The following SLC25A21 variants were observed in gnomAD, a reference collection of about 807,000 sequenced individuals.
SLC25A21 encodes mitochondrial 2-oxodicarboxylate carrier.
SLC25A21 carries 47 observed loss-of-function variants against 43.8 expected under a neutral mutation model. That is an observed-to-expected ratio of 1.07 (90% CI 0.85 to 1.37). SLC25A21 has a LOEUF of 1.37. Ranked by LOEUF, SLC25A21 falls within the 40% of genes most tolerant of loss-of-function variation. SLC25A21 has a pLI of 0.00. For synonymous variants in SLC25A21, 131 were observed against 121.3 expected, an observed-to-expected ratio of 1.08 and a Z score of -0.52; for missense variants, 352 against 350.2, an observed-to-expected ratio of 1.00 and a Z score of -0.04.
At chr14:36,770,334 T>C (rs190543020) in intron 3 of SLC25A21, among the ~76,000 whole-genome samples, 1 of 152,180 alleles carries the variant, frequency 6.6e-6, no homozygotes, top group East Asian at 1.9e-4. Context: ...CTCATGGACA[T>C]AAAGATGGCA....
intron 1 of SLC25A21, among the ~76,000 whole-genome samples, chr14:37,014,985 G>C (rs927606291): frequency 9.9e-5 from 15 of 152,094 alleles, no homozygotes; most frequent in African/African-American, 3.1e-4. Flanking sequence ...CAGATGTACT[G>C]TCATCCAGGC....
intron 3 of SLC25A21, among the ~76,000 whole-genome samples, chr14:36,764,083 G>GAAA (rs1213150423): frequency 0.045 from 880 of 19,576 alleles, 52 homozygotes; most frequent in Middle Eastern, 0.12. Context: ...AAAGAAAGAA[G>GAAA]GAAGGAAGGA....
intron 6 of SLC25A21, among the ~76,000 whole-genome samples, chr14:36,724,022 C>T (rs1411869206): frequency 6.6e-6 from 1 of 152,152 alleles, no homozygotes; most frequent in Non-Finnish European, 1.5e-5. Context: ...AAGCAGATTC[C>T]ATGGGAACTG....
intron 2 of SLC25A21, among the ~76,000 whole-genome samples, chr14:36,817,172 C>T (rs1888485282): frequency 6.6e-6 from 1 of 151,586 alleles, no homozygotes. Context: ...TACAAAAACC[C>T]AGGGTATTAC....
intron 1 of SLC25A21, among the ~76,000 whole-genome samples, chr14:36,946,968 A>G (rs1892693310): frequency 6.6e-6 from 1 of 152,182 alleles, no homozygotes. Context: ...CTTTAGTAAT[A>G]ATTGCTTTTA....
At chr14:36,956,946 C>T (rs963645886) in intron 1 of SLC25A21, among the ~76,000 whole-genome samples, 1 of 152,176 alleles carries the variant, frequency 6.6e-6, no homozygotes, top group Non-Finnish European at 1.5e-5. Context: ...TCAAATTCAT[C>T]TATCTATATG....
chr14:36,791,666 G>C (rs2138401334), intron 3 of SLC25A21, among the ~76,000 whole-genome samples: 1 of 152,258 alleles, frequency 6.6e-6, no homozygotes, highest in South Asian at 2.1e-4. Context: ...TACAATGAAA[G>C]TTTTATTTTA....
intron 7 of SLC25A21, among the ~76,000 whole-genome samples, chr14:36,692,769 G>A (rs113893545): frequency 6.6e-6 from 1 of 152,158 alleles, no homozygotes; most frequent in Admixed American, 6.5e-5. Flanking sequence ...GTTGAGTAGA[G>A]GACAGCAATA....
chr14:37,159,805 T>C (rs1844107990), intron 1 of SLC25A21, among the ~76,000 whole-genome samples: 1 of 151,844 alleles, frequency 6.6e-6, no homozygotes, highest in Admixed American at 6.6e-5. Context: ...TGAGAGAAAA[T>C]ATTTGCAAAC....
rs144116508 is a variant in SLC25A21 at position 37,169,503 on chromosome 14, A to G, written c.70+2778T>C. The stretch of plus-strand genomic sequence containing the variant: ...CACGAGATACCCTGGTATCTCTCCA[A>G]TAAACCTCCCAGTTTCTTTTCTTTT... On this transcript the variant is annotated intron_variant, in intron 1 of 9. Transcript: ENST00000331299. Among the ~76,000 whole-genome samples the G allele has an allele frequency of 4.0e-3, 613 of 151,820 alleles. 6 individuals carry two copies. Among genetic ancestry groups the G allele is most frequent in the Non-Finnish European group, 6.1e-3 (414 of 67,930 alleles).
chr14:37,077,470 A>G (rs1003160643), intron 1 of SLC25A21, among the ~76,000 whole-genome samples: 2 of 152,172 alleles, frequency 1.3e-5, no homozygotes, highest in African/African-American at 4.8e-5. Context: ...CTATGACTAC[A>G]TGAAAATCCG....
At chr14:37,115,337 T>G (rs1391088567) in intron 1 of SLC25A21, among the ~76,000 whole-genome samples, 1 of 152,174 alleles carries the variant, frequency 6.6e-6, no homozygotes, top group South Asian at 2.1e-4. Context: ...TCTGCATCAC[T>G]AGTTTGCAGA....
At chr14:37,112,923 T>C (rs1963044431) in intron 1 of SLC25A21, among the ~76,000 whole-genome samples, 1 of 152,124 alleles carries the variant, frequency 6.6e-6, no homozygotes, top group African/African-American at 2.4e-5. Flanking sequence ...CTAATTAACA[T>C]AAGCTTTTTC....
chr14:36,679,749 A>G lies in SLC25A21; in HGVS notation c.*909T>C. ...CTTCCTAAAAATGGCACAGGTAGGC[A>G]TGCTGAATAAAGGTATTTGGATGCA... On this transcript the variant is annotated 3_prime_UTR_variant, in exon 10 of 10. Coordinates refer to ENST00000331299, the MANE Select transcript of SLC25A21 (RefSeq NM_030631.4). 1 of 985,458 alleles carries G rather than the reference A, an allele frequency of 1.0e-6. No individual in the cohort carries two copies. Among genetic ancestry groups the G allele is most frequent in the Non-Finnish European group, 1.2e-6 (1 of 829,912 alleles). 61.0% of individuals were successfully genotyped at this position (985,458 alleles called of 1,614,324 possible). A position where few individuals can be genotyped will look rare whatever the true frequency, so the allele number is the denominator to read the frequency against.
chr14:37,116,649 ATGT>A (rs1963112697), intron 1 of SLC25A21, among the ~76,000 whole-genome samples: 2 of 152,158 alleles, frequency 1.3e-5, no homozygotes, highest in African/African-American at 4.8e-5. Flanking sequence ...TGAAATGAAG[ATGT>A]TGTTGTTGGG....
At chr14:36,853,612 C>T (rs1448996443) in intron 2 of SLC25A21, among the ~76,000 whole-genome samples, 1 of 152,140 alleles carries the variant, frequency 6.6e-6, no homozygotes, top group African/African-American at 2.4e-5. Context: ...TCTCCTCAGC[C>T]CATTTGGACA....
chr14:37,029,350 T>C (rs1473303088), intron 1 of SLC25A21, among the ~76,000 whole-genome samples: 3 of 152,226 alleles, frequency 2.0e-5, no homozygotes, highest in Admixed American at 2.0e-4. Flanking sequence ...GGAATGGTCC[T>C]ACCCCTTTGC....
chr14:36,820,548 G>A (rs1181988511), intron 2 of SLC25A21, among the ~76,000 whole-genome samples: 1 of 152,162 alleles, frequency 6.6e-6, no homozygotes, highest in Non-Finnish European at 1.5e-5. Context: ...TATAATTCCA[G>A]TGCTGCCACT....
chr14:36,986,768 T>C lies in SLC25A21; in HGVS notation c.71-111764A>G, dbSNP rs77644051. Among the ~76,000 whole-genome samples the C allele has an allele frequency of 2.6e-4, 39 of 152,284 alleles. No individual in the cohort carries two copies. The East Asian group carries it at 7.5e-3, about 29-fold the overall frequency. ...ATTTTTTTTATGTTTAGGTGTTCTT[T>C]GTTTCTTTATTTCTTTGTTTTTTGC... On this transcript the variant is annotated intron_variant, in intron 1 of 9. Transcript: ENST00000331299.
Sources: gnomAD v4.1 joint callset for allele counts (sites outside exome capture counted in the v4.1 genomes callset) on GRCh38, gnomAD v4.1.1 for gene constraint, MANE v1.5 for transcripts, NCBI Gene and HGNC (gene_info 2026-07-23, HGNC 2026-07-21) for gene names.